The following NARF variants were observed in gnomAD, a reference collection of about 807,000 sequenced individuals.
NARF encodes nuclear prelamin A recognition factor.
Under a neutral mutation model 48.0 loss-of-function variants are expected in NARF, and 41 were observed. The observed-to-expected ratio is 0.85, with a 90% CI of 0.66 to 1.11. The LOEUF (loss-of-function observed/expected upper bound fraction) is 1.11. Among genes scored for constraint, NARF ranks in the 50% least tolerant of loss-of-function variants. NARF has a pLI of 0.00. For missense variants in NARF, 613 were observed against 590.2 expected (o/e 1.04, Z -0.40); for synonymous variants, 215 against 225.5 (o/e 0.95, Z 0.42).
chr17:82,460,115 C>G (rs1207108250), intron 2 of NARF, 43 bp downstream of exon 2: 1 of 1,534,492 alleles, frequency 6.5e-7, no homozygotes, highest in Non-Finnish European at 9.0e-7. Flanking sequence ...GAGTAAACTA[C>G]TGCTGCTGTT....
In NARF at chr17:82,474,447, G is replaced by A. The variant is rs192387746; in HGVS notation, c.520+1749G>A. Among the ~76,000 whole-genome samples the A allele has an allele frequency of 7.9e-5, 12 of 152,208 alleles. No homozygotes were observed. In the East Asian group the frequency reaches 1.4e-3, roughly 17 times the overall value. ...AGAGAGTTTGGGTTAAGAAATCTTC[G>A]ATGATGCATAAGGGAATAAGGAAGG... On this transcript the variant is annotated intron_variant, in intron 5 of 10. Coordinates refer to ENST00000309794, the MANE Select transcript of NARF (RefSeq NM_012336.4).
At chr17:82,473,894 G>T (rs1599837842) in intron 5 of NARF, among the ~76,000 whole-genome samples, 2 of 152,020 alleles carry the variant, frequency 1.3e-5, no homozygotes, top group East Asian at 3.8e-4. Flanking sequence ...AAAAGGAAAA[G>T]AAAAATAGGC....
intron 1 of NARF, chr17:82,459,063 C>T (rs1370818725): frequency 6.7e-6 from 8 of 1,201,672 alleles, no homozygotes; most frequent in African/African-American, 3.2e-5. Context: ...ATCTTTCCCA[C>T]GCCCGCGAAG....
At chr17:82,473,630 C>T (rs1039655201) in intron 5 of NARF, among the ~76,000 whole-genome samples, 14 of 152,204 alleles carry the variant, frequency 9.2e-5, no homozygotes, top group South Asian at 6.2e-4. Flanking sequence ...GGATTACAGG[C>T]GTGAGCCACT....
chr17:82,483,653 A>C, intron 7 of NARF, 63 bp from the exon 8 acceptor site: 1 of 1,500,530 alleles, frequency 6.7e-7, no homozygotes, highest in African/African-American at 1.4e-5. Context: ...AATCTCCTGC[A>C]GGGGAAGAAA....
chr17:82,480,930 CAAAAAAA>C (rs35163925), intron 6 of NARF, 145 bp from the exon 7 acceptor site: 19 of 628,744 alleles, frequency 3.0e-5, no homozygotes, highest in South Asian at 1.9e-4. Context: ...GACTCCATTT[CAAAAAAA>C]AAAAAAAAAA....
chr17:82,469,914 A>T (rs967828760), intron 4 of NARF, among the ~76,000 whole-genome samples: 2 of 147,636 alleles, frequency 1.4e-5, no homozygotes, highest in Admixed American at 1.4e-4. Flanking sequence ...AAGAGTTTTT[A>T]TTATTCTACA....
intron 6 of NARF, 137 bp downstream of exon 6, chr17:82,479,055 GGAAAC>G: frequency 1.4e-6 from 1 of 695,970 alleles, no homozygotes; most frequent in Non-Finnish European, 2.4e-6. Flanking sequence ...TGTGGCTTCA[GGAAAC>G]ATCAGCAGTG....
chr17:82,481,007 T>G lies in NARF; in HGVS notation c.640-75T>G, dbSNP rs73369869. 1.0e-3 allele frequency: 1,625 copies of G among 1,578,940 alleles called. 19 individuals are homozygous for G. In the African/African-American group the frequency reaches 0.021, roughly 20 times the overall value. On this transcript the variant is annotated intron_variant, in intron 6 of 10. Transcript: ENST00000309794. ...CAGGGGGCATTCGGTCTCCCATCCCTCTTGTTCTGGGCACCAAGCGTAAGC... is the reference window on the plus strand; with the variant it reads ...CAGGGGGCATTCGGTCTCCCATCCCGCTTGTTCTGGGCACCAAGCGTAAGC...
intron 10 of NARF, among the ~76,000 whole-genome samples, chr17:82,487,553 T>C (rs372726164): frequency 2.0e-4 from 31 of 151,460 alleles, no homozygotes; most frequent in Non-Finnish European, 3.7e-4. Flanking sequence ...CCTGACAGCC[T>C]TGAGGAAGAC....
In NARF at chr17:82,481,087, G is replaced by C. The variant is rs2043953579; in HGVS notation, c.645G>C (p.Leu215=). The change falls in exon 7 of 11, where the codon CTG becomes CTC. Residue 215 remains leucine (L), a synonymous_variant. Transcript: ENST00000309794. Reference sequence around the variant, plus strand: ...TGGGTGCCCCTCTCCCACAGAACCTGTCTCCAGAGAAGATTTTCCACGTCA... The same window carrying C: ...TGGGTGCCCCTCTCCCACAGAACCTCTCTCCAGAGAAGATTTTCCACGTCA... ...VKDYFARQQN[L]SPEKIFHVIV... 6.2e-7 allele frequency: 1 copy of C among 1,614,100 alleles called. No homozygotes were observed. The highest frequency in any genetic ancestry group is 1.7e-5 in the Admixed American group (1 of 60,012).
intron 1 of NARF, 37 bp downstream of exon 1, chr17:82,458,867 C>G (rs2043354539): frequency 1.2e-5 from 16 of 1,381,176 alleles, no homozygotes; most frequent in Non-Finnish European, 1.5e-5. Context: ...GCGCCTGGTG[C>G]TTGTCCTGTG....
At chr17:82,484,227 AGCAAGGCCCAGGGCTCCT>A (rs2044041064) in intron 8 of NARF, 1 of 160,974 alleles carries the variant, frequency 6.2e-6, no homozygotes, top group Non-Finnish European at 1.4e-5. Context: ...CTCGATACCC[AGCAAGGCCCAGGGCTCCT>A]GCTGCACCCC....
chr17:82,459,664 G>A (rs181683539), intron 1 of NARF, among the ~76,000 whole-genome samples: 7 of 152,290 alleles, frequency 4.6e-5, no homozygotes, highest in African/African-American at 1.7e-4. Flanking sequence ...GAGGTCAGCA[G>A]TTCAAGACCA....
At chr17:82,461,877 A>G (rs1428652653) in intron 2 of NARF, among the ~76,000 whole-genome samples, 1 of 152,080 alleles carries the variant, frequency 6.6e-6, no homozygotes, top group African/African-American at 2.4e-5. Flanking sequence ...TGCTGTGGGG[A>G]CTGTGGGGCT....
chr17:82,462,915 A>T (rs760571969), intron 2 of NARF: 1 of 152,302 alleles, frequency 6.6e-6, no homozygotes, highest in Admixed American at 6.6e-5. Context: ...GGCACAATTC[A>T]TGCAGCTATG....
chr17:82,468,570 C>G, intron 3 of NARF, 194 bp from the exon 4 acceptor site: 1 of 553,418 alleles, frequency 1.8e-6, no homozygotes, highest in Non-Finnish European at 3.1e-6. Flanking sequence ...AAAATATTTA[C>G]CAGAAGCCCA....
At chr17:82,473,411 T>G (rs2043761200) in intron 5 of NARF, among the ~76,000 whole-genome samples, 2 of 151,828 alleles carry the variant, frequency 1.3e-5, no homozygotes, top group African/African-American at 4.8e-5. Context: ...TCTTTTTTTT[T>G]TGTTGTTGAG....
At chr17:82,469,033 A>G in intron 4 of NARF, 137 bp downstream of exon 4, 3 of 958,726 alleles carry the variant, frequency 3.1e-6, no homozygotes, top group Non-Finnish European at 3.0e-6. Flanking sequence ...TAAAAAGACC[A>G]TGTCCCGTGT....
Sources: allele counts gnomAD v4.1 joint callset (sites outside exome capture counted in the v4.1 genomes callset), GRCh38; gene constraint gnomAD v4.1.1; transcripts MANE v1.5; gene names NCBI Gene and HGNC (gene_info 2026-07-23, HGNC 2026-07-21).